DCC: variants seen among roughly 807,000 people sequenced by gnomAD.
The protein encoded by DCC is netrin receptor DCC.
Under a neutral mutation model 172.5 loss-of-function variants are expected in DCC, and 58 were observed. The observed-to-expected ratio is 0.34, with a 90% confidence interval of 0.27 to 0.42. DCC has a LOEUF of 0.42. DCC is among the 10% of genes least tolerant of loss of function. DCC has a pLI of 1.00. For missense variants in DCC, 1,740 were observed against 1,791.0 expected (o/e 0.97, Z 0.51); for synonymous variants, 709 against 644.5 (o/e 1.10, Z -1.52).
chr18:52,729,286 G>A (rs1266588233), intron 1 of DCC, among the ~76,000 whole-genome samples: 1 of 152,106 alleles, frequency 6.6e-6, no homozygotes, highest in African/African-American at 2.4e-5. Flanking sequence ...GAGACAGAGA[G>A]TCTTGCTCTG....
intron 1 of DCC, among the ~76,000 whole-genome samples, chr18:52,693,381 TATAA>T (rs963115680): frequency 1.1e-4 from 16 of 147,860 alleles, no homozygotes; most frequent in Admixed American, 6.8e-4. Context: ...ATATATTGTA[TATAA>T]ATATATATCA....
chr18:52,533,236 A>G (rs954003807), intron 1 of DCC, among the ~76,000 whole-genome samples: 2 of 152,108 alleles, frequency 1.3e-5, no homozygotes, highest in Non-Finnish European at 2.9e-5. Flanking sequence ...TCCGACTTCC[A>G]GTTTTACTTG....
intron 2 of DCC, among the ~76,000 whole-genome samples, chr18:52,838,091 A>G (rs552387193): frequency 1.4e-4 from 22 of 152,310 alleles, no homozygotes; most frequent in African/African-American, 4.6e-4. Flanking sequence ...CACATGACAC[A>G]TGGGGATTCA....
chr18:52,553,959 A>G (rs143557360), intron 1 of DCC, among the ~76,000 whole-genome samples: 17 of 152,228 alleles, frequency 1.1e-4, no homozygotes, highest in African/African-American at 4.1e-4. Context: ...AAATAATGCT[A>G]GGTTCAATTC....
intron 1 of DCC, among the ~76,000 whole-genome samples, chr18:52,421,828 C>A (rs549923299): frequency 1.3e-5 from 2 of 152,086 alleles, no homozygotes; most frequent in African/African-American, 2.4e-5. Flanking sequence ...TTTTAGTGAT[C>A]CTTGTAGTAT....
chr18:53,168,412 G>T (rs778374053), intron 8 of DCC, among the ~76,000 whole-genome samples: 9 of 151,944 alleles, frequency 5.9e-5, no homozygotes, highest in Non-Finnish European at 1.2e-4. Context: ...CATGTCCTTT[G>T]CAGGGACATG....
At chr18:53,234,800 T>G (rs1252664378) in intron 12 of DCC, among the ~76,000 whole-genome samples, 1 of 152,204 alleles carries the variant, frequency 6.6e-6, no homozygotes, top group Non-Finnish European at 1.5e-5. Context: ...TGATAATGCC[T>G]TTTAATAGCT....
intron 5 of DCC, among the ~76,000 whole-genome samples, chr18:52,979,022 A>AT (rs199513940): frequency 0.014 from 2,113 of 152,264 alleles, 53 homozygotes; most frequent in African/African-American, 0.049. Flanking sequence ...CTGTAATAAC[A>AT]TGCAGGTACC....
intron 15 of DCC, among the ~76,000 whole-genome samples, chr18:53,365,059 A>T (rs1278416150): frequency 6.6e-6 from 1 of 151,956 alleles, no homozygotes; most frequent in Non-Finnish European, 1.5e-5. Context: ...ATATCTCCTA[A>T]TACTATCCCT....
At chr18:52,944,189 AGAG>A (rs2040505559) in intron 5 of DCC, among the ~76,000 whole-genome samples, 1 of 152,226 alleles carries the variant, frequency 6.6e-6, no homozygotes, top group African/African-American at 2.4e-5. Context: ...TGATGGAAGA[AGAG>A]ACGCTTCCCT....
intron 7 of DCC, among the ~76,000 whole-genome samples, chr18:53,088,124 T>C (rs1178081416): frequency 6.6e-6 from 1 of 152,302 alleles, no homozygotes; most frequent in East Asian, 1.9e-4. Flanking sequence ...AAGTAGTTTT[T>C]TCCAATTCTG....
At chr18:52,749,536 G>A (rs891633868) in intron 1 of DCC, among the ~76,000 whole-genome samples, 1 of 152,184 alleles carries the variant, frequency 6.6e-6, no homozygotes, top group Non-Finnish European at 1.5e-5. Flanking sequence ...GCAGTGAGGT[G>A]CCTATATCCC....
chr18:53,344,952 A>G (rs1424194007), intron 15 of DCC, among the ~76,000 whole-genome samples: 3 of 151,368 alleles, frequency 2.0e-5, no homozygotes, highest in African/African-American at 4.8e-5. Flanking sequence ...GACTTTTTCT[A>G]TAATGGACCA....
intron 2 of DCC, among the ~76,000 whole-genome samples, chr18:52,870,199 G>A (rs2039297337): frequency 1.3e-5 from 2 of 152,204 alleles, no homozygotes; most frequent in South Asian, 4.1e-4. Flanking sequence ...TGCAGGTGGT[G>A]GGCAAGAGTG....
intron 22 of DCC, among the ~76,000 whole-genome samples, chr18:53,449,394 G>T (rs982134183): frequency 6.6e-6 from 1 of 152,086 alleles, no homozygotes; most frequent in Non-Finnish European, 1.5e-5. Context: ...TTATTATTCT[G>T]TTATTTTCCA....
chr18:52,499,489 T>C (rs969170914), intron 1 of DCC, among the ~76,000 whole-genome samples: 4 of 152,188 alleles, frequency 2.6e-5, no homozygotes, highest in African/African-American at 9.6e-5. Context: ...ACTTTTTGGA[T>C]GCAATAAGAC....
chr18:52,976,197 T>A (rs2041114569), intron 5 of DCC, among the ~76,000 whole-genome samples: 1 of 152,002 alleles, frequency 6.6e-6, no homozygotes, highest in East Asian at 1.9e-4. Flanking sequence ...TTTTATAGGG[T>A]CATGTTTTTT....
intron 1 of DCC, among the ~76,000 whole-genome samples, chr18:52,498,727 T>A (rs935349829): frequency 1.3e-5 from 2 of 152,178 alleles, no homozygotes; most frequent in Admixed American, 1.3e-4. Context: ...CAGCACAGTC[T>A]GGTTCTGATT....
intron 21 of DCC, among the ~76,000 whole-genome samples, chr18:53,425,126 A>C (rs1245251047): frequency 1.3e-5 from 2 of 149,808 alleles, no homozygotes; most frequent in Non-Finnish European, 1.5e-5. Context: ...CTTTTTAACC[A>C]CTTCTGTTGT....
Sources: allele counts gnomAD v4.1 joint callset (sites outside exome capture counted in the v4.1 genomes callset), GRCh38; gene constraint gnomAD v4.1.1; transcripts MANE v1.5; gene names NCBI Gene and HGNC (gene_info 2026-07-23, HGNC 2026-07-21).